DMD: variants seen among roughly 807,000 people sequenced by gnomAD.
DMD encodes dystrophin.
DMD carries 63 observed loss-of-function variants against 330.1 expected under a neutral mutation model. That is an observed-to-expected ratio of 0.19 (90% CI 0.16 to 0.24). DMD has a LOEUF of 0.24. Among genes scored for constraint, DMD ranks in the 10% least tolerant of loss-of-function variants. The pLI is 1.00. For synonymous variants in DMD, 1,223 were observed against 959.8 expected, an observed-to-expected ratio of 1.27 and a Z score of -5.07; for missense variants, 3,344 against 2,684.1, an observed-to-expected ratio of 1.25 and a Z score of -5.43.
chrX:32,437,933 A>AG (rs1281948520), intron 29 of DMD, among the ~76,000 whole-genome samples: 1 of 112,282 alleles, frequency 8.9e-6, no homozygotes, highest in Non-Finnish European at 1.9e-5. Flanking sequence ...GAATAAAATG[A>AG]GACAGCGAGA....
Position 32,343,370 on chromosome X carries a change from C to T in DMD, c.5587-84G>A, listed in dbSNP as rs183257135. 244 of 873,336 alleles carry T rather than the reference C, an allele frequency of 2.8e-4. No individual in the cohort carries two copies. The African/African-American group carries it at 3.7e-3, about 13-fold the overall frequency. 72.0% of individuals were successfully genotyped at this position (873,336 alleles called of 1,213,427 possible). Reference sequence around the variant, plus strand: ...TGCAGTTATTTATCAAAATAATTTGCGTCCCTCATCTTTTTGTACAACTTA... The same window carrying T: ...TGCAGTTATTTATCAAAATAATTTGTGTCCCTCATCTTTTTGTACAACTTA... On this transcript the variant is annotated intron_variant, in intron 39 of 78. Coordinates refer to ENST00000357033, the MANE Select transcript of DMD (RefSeq NM_004006.3).
chrX:32,210,790 T>C (rs780419359), intron 44 of DMD, among the ~76,000 whole-genome samples: 1 of 111,589 alleles, frequency 9.0e-6, no homozygotes, highest in Admixed American at 9.6e-5. Context: ...TCAACGGCAG[T>C]ACCTGTTAGA....
At chrX:31,374,355 A>C (rs1368554717) in intron 60 of DMD, among the ~76,000 whole-genome samples, 4 of 107,065 alleles carry the variant, frequency 3.7e-5, no homozygotes, top group Non-Finnish European at 7.7e-5. Context: ...TCATGCTGCT[A>C]TAAAGACACA....
At chrX:31,590,250 A>AT in intron 55 of DMD, among the ~76,000 whole-genome samples, 1 of 110,991 alleles carries the variant, frequency 9.0e-6, no homozygotes, top group East Asian at 2.8e-4. Context: ...TATTTTGCTG[A>AT]TTCACAATTC....
chrX:33,198,441 A>G (rs955787106), intron 1 of DMD, among the ~76,000 whole-genome samples: 1 of 111,676 alleles, frequency 9.0e-6, no homozygotes, highest in Non-Finnish European at 1.9e-5. Context: ...AAATCAAAAA[A>G]GGGAACAGCA....
chrX:32,468,679 C>A lies in DMD; in HGVS notation c.2981G>T (p.Ser994Ile). 8.3e-7 allele frequency: 1 copy of A among 1,210,468 alleles called. No homozygotes were observed. Among genetic ancestry groups the A allele is most frequent in the Non-Finnish European group, 1.1e-6 (1 of 894,938 alleles). The change falls in exon 23 of 79, where the codon AGT becomes ATT. Residue 994 changes from serine (S) to isoleucine (I), a missense_variant. Coordinates refer to ENST00000357033, the MANE Select transcript of DMD (RefSeq NM_004006.3). ...ALQSSLQEQQSGLYYLSTTVK... is the reference protein window; with the variant it reads ...ALQSSLQEQQIGLYYLSTTVK... ...AGTGGTGCTGAGATAGTATAGGCCA[C>A]TTTGTTGCTCTTGCAGAGAACTTTG...
chrX:31,910,650 C>T (rs2094536131), intron 47 of DMD, among the ~76,000 whole-genome samples: 2 of 111,762 alleles, frequency 1.8e-5, no homozygotes, highest in Non-Finnish European at 3.8e-5. Context: ...AACAGGAGGC[C>T]AAGATGGATC....
chrX:32,209,123 C>A (rs2097083376), intron 44 of DMD, among the ~76,000 whole-genome samples: 2 of 111,673 alleles, frequency 1.8e-5, no homozygotes, highest in African/African-American at 6.5e-5. Context: ...AAAATATGTT[C>A]ATTCTAATGG....
chrX:32,849,590 T>C, intron 3 of DMD, 138 bp downstream of exon 3: 1 of 466,417 alleles, frequency 2.1e-6, no homozygotes, highest in Non-Finnish European at 3.8e-6. Flanking sequence ...CATACGAGGT[T>C]GCTTTACTAA....
At chrX:32,194,704 C>T (rs762550404) in intron 44 of DMD, among the ~76,000 whole-genome samples, 13 of 111,559 alleles carry the variant, frequency 1.2e-4, no homozygotes, top group Non-Finnish European at 2.1e-4. Context: ...CAGAGAAACA[C>T]GTGCAAAGGC....
At chrX:31,368,056 T>G (rs964231059) in intron 60 of DMD, among the ~76,000 whole-genome samples, 1 of 111,635 alleles carries the variant, frequency 9.0e-6, no homozygotes, top group African/African-American at 3.3e-5. Flanking sequence ...CTGTGCAAGT[T>G]CTAACTCGTG....
rs113765824 is a variant in DMD, at chrX:31,209,960, C to T, written c.9362-261G>A. Among the ~76,000 whole-genome samples the T allele has an allele frequency of 2.5e-3, 273 of 111,394 alleles. 2 individuals are homozygous for T. Among genetic ancestry groups the T allele is most frequent in the African/African-American group, 8.5e-3 (261 of 30,645 alleles). The stretch of plus-strand genomic sequence containing the variant: ...TATGGGCAAAGATATAATTCCCATC[C>T]TTGGATTACTGGGGAATATCTGAGA... On this transcript the variant is annotated intron_variant, in intron 64 of 78. Transcript: ENST00000357033.
chrX:31,525,483 A>T (rs1457813086), intron 55 of DMD, among the ~76,000 whole-genome samples: 1 of 112,012 alleles, frequency 8.9e-6, no homozygotes, highest in African/African-American at 3.2e-5. Context: ...GAAATAACTC[A>T]TGTGTTTTAA....
chrX:31,872,570 T>C (rs959776704), intron 48 of DMD, among the ~76,000 whole-genome samples: 2 of 111,536 alleles, frequency 1.8e-5, no homozygotes, highest in African/African-American at 3.3e-5. Context: ...ATAGCTAGCA[T>C]TGAGTATTTT....
intron 16 of DMD, among the ~76,000 whole-genome samples, chrX:32,554,393 G>C (rs2049929325): frequency 9.0e-6 from 1 of 111,120 alleles, no homozygotes; most frequent in African/African-American, 3.3e-5. Context: ...GAAGAAAAGA[G>C]AGAAGAATCA....
intron 43 of DMD, among the ~76,000 whole-genome samples, chrX:32,286,696 C>G (rs1274775090): frequency 1.8e-5 from 2 of 111,671 alleles, no homozygotes; most frequent in African/African-American, 6.5e-5. Context: ...AGAAATCTCT[C>G]TTTAGGTGCC....
intron 51 of DMD, among the ~76,000 whole-genome samples, chrX:31,773,356 A>T (rs2090453400): frequency 8.9e-6 from 1 of 112,292 alleles, no homozygotes; most frequent in Non-Finnish European, 1.9e-5. Flanking sequence ...TGAGGCTGAA[A>T]AATGCACTAT....
intron 1 of DMD, among the ~76,000 whole-genome samples, chrX:33,295,937 A>T (rs1435719803): frequency 9.0e-6 from 1 of 111,668 alleles, no homozygotes; most frequent in East Asian, 2.8e-4. Flanking sequence ...TCCATGGGGG[A>T]TGAGCTAATA....
chrX:31,605,842 A>C (rs974570962), intron 55 of DMD, among the ~76,000 whole-genome samples: 2 of 112,174 alleles, frequency 1.8e-5, no homozygotes, highest in Admixed American at 1.9e-4. Flanking sequence ...TGAATGGAGC[A>C]GTGAAAAGTA....
Sources: allele counts gnomAD v4.1 joint callset (sites outside exome capture counted in the v4.1 genomes callset), GRCh38; gene constraint gnomAD v4.1.1; transcripts MANE v1.5; gene names NCBI Gene and HGNC (gene_info 2026-07-23, HGNC 2026-07-21).